Variants in ULK4 observed in about 807,000 individuals in gnomAD.
ULK4 encodes the protein unc-51 like kinase 4, also known as inactive serine/threonine-protein kinase ULK4.
ULK4 carries 133 observed loss-of-function variants against 160.6 expected under a neutral mutation model. The ratio of observed to expected loss-of-function variants is 0.83; its 90% CI spans 0.72 to 0.96. The LOEUF is 0.96. ULK4 is among the 40% of genes least tolerant of loss of function. ULK4 has a pLI of 0.00. For missense variants in ULK4, 1,580 were observed against 1,499.5 expected, an observed-to-expected ratio of 1.05 and a Z score of -0.89; for synonymous variants, 534 against 539.8, an observed-to-expected ratio of 0.99 and a Z score of 0.15.
At chr3:41,315,637 C>T (rs866328646) in intron 35 of ULK4, among the ~76,000 whole-genome samples, 1 of 152,184 alleles carries the variant, frequency 6.6e-6, no homozygotes, top group Non-Finnish European at 1.5e-5. Flanking sequence ...ACCTTCCCGG[C>T]TCGGCACTAC....
chr3:41,590,647 C>CAAA (rs535363463), intron 31 of ULK4, among the ~76,000 whole-genome samples: 4 of 150,664 alleles, frequency 2.7e-5, no homozygotes, highest in African/African-American at 9.8e-5. Context: ...AACAAACAAA[C>CAAA]AAACAAAAAA....
intron 32 of ULK4, among the ~76,000 whole-genome samples, chr3:41,540,074 A>T (rs933050825): frequency 1.3e-5 from 2 of 151,770 alleles, no homozygotes; most frequent in Non-Finnish European, 2.9e-5. Flanking sequence ...TTTTTTATTT[A>T]TTATTATTAT....
intron 8 of ULK4, among the ~76,000 whole-genome samples, chr3:41,913,510 C>T (rs537829962): frequency 7.1e-4 from 108 of 152,304 alleles, no homozygotes; most frequent in Middle Eastern, 6.8e-3. Flanking sequence ...CTGGCGTGAG[C>T]CACCGTGCTC....
At chr3:41,604,112 C>T (rs376620592) in intron 31 of ULK4, among the ~76,000 whole-genome samples, 2 of 152,120 alleles carry the variant, frequency 1.3e-5, no homozygotes, top group African/African-American at 4.8e-5. Flanking sequence ...AGGAGAAAAA[C>T]ATGCTGAGGA....
chr3:41,844,187 T>A (rs917454458), intron 17 of ULK4, among the ~76,000 whole-genome samples: 1 of 151,572 alleles, frequency 6.6e-6, no homozygotes, highest in African/African-American at 2.4e-5. Context: ...AGCCCTTGGG[T>A]GGTTGATGGG....
intron 31 of ULK4, among the ~76,000 whole-genome samples, chr3:41,609,564 C>T (rs561997587): frequency 6.6e-6 from 1 of 152,306 alleles, no homozygotes; most frequent in African/African-American, 2.4e-5. Context: ...ATTCTTCAAT[C>T]GGTAAAAGCC....
intron 30 of ULK4, among the ~76,000 whole-genome samples, chr3:41,656,251 C>T (rs1306793001): frequency 6.6e-6 from 1 of 151,956 alleles, no homozygotes; most frequent in Non-Finnish European, 1.5e-5. Context: ...ACTTATACAA[C>T]ATTTTCTATG....
intron 34 of ULK4, among the ~76,000 whole-genome samples, chr3:41,436,501 G>C (rs1247982891): frequency 6.6e-6 from 1 of 152,152 alleles, no homozygotes; most frequent in Non-Finnish European, 1.5e-5. Flanking sequence ...AAATGATTGA[G>C]TTTGAAGGGG....
chr3:41,397,283 G>C (rs2082082853), intron 35 of ULK4, among the ~76,000 whole-genome samples: 1 of 152,174 alleles, frequency 6.6e-6, no homozygotes, highest in South Asian at 2.1e-4. Context: ...AATAAAATAA[G>C]TGAAGCAGAA....
In ULK4 at chr3:41,470,618, G is replaced by A. The variant is rs2083966404; in HGVS notation, c.3227-7365C>T. On this transcript the variant is annotated intron_variant, in intron 32 of 36. Coordinates refer to ENST00000301831, the MANE Select transcript of ULK4 (RefSeq NM_017886.4). ...AAAGTGGTTTTACTCCTAGTGTGAGGGTTCCAAGGAAAAAACTAATAATAA... is the reference window on the plus strand; with the variant it reads ...AAAGTGGTTTTACTCCTAGTGTGAGAGTTCCAAGGAAAAAACTAATAATAA... Among the ~76,000 whole-genome samples, 3 of 152,134 alleles carry A rather than the reference G, an allele frequency of 2.0e-5. 1 individual carries two copies. The highest frequency in any genetic ancestry group is 6.8e-3 in the Middle Eastern group (2 of 294).
intron 21 of ULK4, among the ~76,000 whole-genome samples, chr3:41,777,550 G>C (rs2125578346): frequency 1.5e-5 from 1 of 67,946 alleles, no homozygotes; most frequent in Middle Eastern, 5.7e-3. Flanking sequence ...GCTTTCTCTT[G>C]TAGGCATTTA....
rs758658656 is a variant in ULK4, at chr3:41,911,431, T to C, written c.1016-45A>G. The C allele has an allele frequency of 4.4e-6, 7 of 1,605,618 alleles. No homozygotes were observed. In the Admixed American group the frequency reaches 1.0e-4, roughly 23 times the overall value. On this transcript the variant is annotated intron_variant, in intron 10 of 36. Transcript: ENST00000301831. ...TGTTATCCAGAAAAGAACAAAAATA[T>C]CATATGCAAGGCATAACGTACACAA...
intron 2 of ULK4, among the ~76,000 whole-genome samples, chr3:41,954,174 CT>C: frequency 1.3e-4 from 4 of 31,282 alleles, no homozygotes; most frequent in Non-Finnish European, 4.0e-4. Flanking sequence ...GAGACTCCGT[CT>C]TAAAAAAAAA....
At chr3:41,844,321 G>A (rs1346843475) in intron 17 of ULK4, among the ~76,000 whole-genome samples, 1 of 152,190 alleles carries the variant, frequency 6.6e-6, no homozygotes, top group Non-Finnish European at 1.5e-5. Context: ...CCCATGGGAA[G>A]GCAGCTAAGG....
intron 35 of ULK4, among the ~76,000 whole-genome samples, chr3:41,328,579 T>G (rs1407809381): frequency 6.6e-6 from 1 of 152,146 alleles, no homozygotes. Context: ...CAAAATTAGA[T>G]TCCACTGGTA....
At chr3:41,812,385 A>G (rs557839490) in intron 19 of ULK4, among the ~76,000 whole-genome samples, 1 of 152,324 alleles carries the variant, frequency 6.6e-6, no homozygotes, top group African/African-American at 2.4e-5. Context: ...AGATGGAAAG[A>G]GGGAAGTATT....
chr3:41,803,149 CT>C (rs147507297), intron 19 of ULK4, among the ~76,000 whole-genome samples: 42,353 of 148,370 alleles, frequency 0.29, 8,479 homozygotes, highest in African/African-American at 0.58. Context: ...CCAGCCTGGG[CT>C]TACAGAGCAA....
intron 30 of ULK4, among the ~76,000 whole-genome samples, chr3:41,616,458 G>T (rs1297638742): frequency 6.6e-6 from 1 of 152,102 alleles, no homozygotes. Flanking sequence ...CATCTCACTG[G>T]GACTGATTAG....
At chr3:41,791,045 G>A (rs2040135225) in intron 20 of ULK4, among the ~76,000 whole-genome samples, 1 of 152,158 alleles carries the variant, frequency 6.6e-6, no homozygotes, top group African/African-American at 2.4e-5. Flanking sequence ...ATGTTAAGAG[G>A]AGGGACAGGA....
Sources: allele counts gnomAD v4.1 joint callset (sites outside exome capture counted in the v4.1 genomes callset), GRCh38; gene constraint gnomAD v4.1.1; transcripts MANE v1.5; gene names NCBI Gene and HGNC (gene_info 2026-07-23, HGNC 2026-07-21).